The following CTNNA2 variants were observed in gnomAD, a reference collection of about 807,000 sequenced individuals.
CTNNA2 encodes the protein catenin alpha-2.
A neutral mutation model predicts 101.0 loss-of-function variants in CTNNA2; 42 were observed. That is an observed-to-expected ratio of 0.42 (90% confidence interval 0.32 to 0.54). The LOEUF (loss-of-function observed/expected upper bound fraction) is 0.54, where lower values mean the gene tolerates loss of function less well. Among genes scored for constraint, CTNNA2 ranks in the 20% least tolerant of loss-of-function variants. CTNNA2 has a pLI of 0.14. For synonymous variants in CTNNA2, 450 were observed against 456.4 expected (o/e 0.99, Z 0.18); for missense variants, 871 against 1,223.1 (o/e 0.71, Z 4.29).
At chr2:79,827,992 T>G (rs1473568529) in intron 3 of CTNNA2, among the ~76,000 whole-genome samples, 4 of 152,234 alleles carry the variant, frequency 2.6e-5, no homozygotes, top group Admixed American at 2.6e-4. Flanking sequence ...TTAAAGAAAC[T>G]GTCTCTTATG....
At chr2:79,816,562 T>C (rs1677519821) in intron 3 of CTNNA2, among the ~76,000 whole-genome samples, 1 of 152,110 alleles carries the variant, frequency 6.6e-6, no homozygotes, top group Non-Finnish European at 1.5e-5. Context: ...ATATATCTCC[T>C]TACTAGGAAG....
chr2:79,933,034 A>G (rs1290637803), intron 7 of CTNNA2, among the ~76,000 whole-genome samples: 1 of 152,216 alleles, frequency 6.6e-6, no homozygotes, highest in Non-Finnish European at 1.5e-5. Context: ...TTTCTAGCAT[A>G]TATATTTGAT....
At chr2:80,443,355 C>T (rs1398867024) in intron 9 of CTNNA2, among the ~76,000 whole-genome samples, 2 of 152,184 alleles carry the variant, frequency 1.3e-5, no homozygotes, top group Non-Finnish European at 2.9e-5. Flanking sequence ...TTTCAGGCTG[C>T]TATTTATTTC....
chr2:80,324,458 A>G (rs1393953019), intron 7 of CTNNA2, among the ~76,000 whole-genome samples: 1 of 152,084 alleles, frequency 6.6e-6, no homozygotes, highest in African/African-American at 2.4e-5. Context: ...CCCTACTTAA[A>G]CTATTAACTA....
intron 2 of CTNNA2, among the ~76,000 whole-genome samples, chr2:79,303,928 C>T (rs893823847): frequency 6.6e-6 from 1 of 151,924 alleles, no homozygotes; most frequent in Non-Finnish European, 1.5e-5. Flanking sequence ...CACTGAGATC[C>T]AGAGCATTAC....
intron 7 of CTNNA2, among the ~76,000 whole-genome samples, chr2:80,338,717 T>G (rs1671973773): frequency 1.3e-5 from 2 of 152,108 alleles, no homozygotes; most frequent in Admixed American, 6.5e-5. Flanking sequence ...AATAAAAACC[T>G]CTAAGTGATT....
intron 3 of CTNNA2, among the ~76,000 whole-genome samples, chr2:79,785,724 C>G (rs1266243434): frequency 1.3e-5 from 2 of 152,110 alleles, no homozygotes; most frequent in African/African-American, 4.8e-5. Context: ...GCCTGACACA[C>G]AGCTAGCTGG....
chr2:79,518,699 G>C (rs1435987186), intron 1 of CTNNA2, among the ~76,000 whole-genome samples: 1 of 152,150 alleles, frequency 6.6e-6, no homozygotes, highest in Non-Finnish European at 1.5e-5. Flanking sequence ...GCCTGAAGCA[G>C]TTGTTAAATA....
At chr2:79,551,003 A>G (rs531868867) in intron 1 of CTNNA2, among the ~76,000 whole-genome samples, 4 of 152,262 alleles carry the variant, frequency 2.6e-5, no homozygotes, top group Non-Finnish European at 5.9e-5. Flanking sequence ...AGTCAATAAA[A>G]AACATTTCAA....
chr2:79,358,427 T>C (rs1270983659), intron 3 of CTNNA2, among the ~76,000 whole-genome samples: 2 of 152,198 alleles, frequency 1.3e-5, no homozygotes, highest in African/African-American at 4.8e-5. Context: ...CTCGAACTCC[T>C]GACCTCAGGT....
intron 2 of CTNNA2, among the ~76,000 whole-genome samples, chr2:79,703,869 T>G (rs1278643085): frequency 6.6e-6 from 1 of 152,146 alleles, no homozygotes; most frequent in Non-Finnish European, 1.5e-5. Context: ...AGAATATATA[T>G]GTTTGCCTAG....
intron 7 of CTNNA2, among the ~76,000 whole-genome samples, chr2:80,249,806 A>T (rs1671612673): frequency 6.6e-6 from 1 of 152,200 alleles, no homozygotes; most frequent in South Asian, 2.1e-4. Flanking sequence ...ATCCCATGTT[A>T]TGAAAAACCA....
intron 2 of CTNNA2, among the ~76,000 whole-genome samples, chr2:79,682,697 A>G (rs1297638778): frequency 1.3e-5 from 2 of 152,180 alleles, no homozygotes; most frequent in Non-Finnish European, 2.9e-5. Flanking sequence ...GAGTTAAAAA[A>G]TTTTAAATGG....
intron 18 of CTNNA2, among the ~76,000 whole-genome samples, chr2:80,647,065 A>G (rs937599710): frequency 6.6e-6 from 1 of 151,808 alleles, no homozygotes; most frequent in Non-Finnish European, 1.5e-5. Context: ...TTTATATAGG[A>G]GGTATACTGA....
At chr2:80,081,731 A>C in intron 7 of CTNNA2, among the ~76,000 whole-genome samples, 2 of 144,108 alleles carry the variant, frequency 1.4e-5, no homozygotes, top group South Asian at 2.3e-4. Context: ...CGCTAAGACA[A>C]TCTCTCTCTC....
intron 1 of CTNNA2, among the ~76,000 whole-genome samples, chr2:79,640,356 C>G (rs1276563400): frequency 6.6e-6 from 1 of 152,116 alleles, no homozygotes; most frequent in Non-Finnish European, 1.5e-5. Flanking sequence ...TTGAACTATA[C>G]TTTGCACAAA....
At chr2:79,682,448 T>C (rs1338109550) in intron 2 of CTNNA2, among the ~76,000 whole-genome samples, 2 of 149,490 alleles carry the variant, frequency 1.3e-5, no homozygotes, top group East Asian at 2.0e-4. Flanking sequence ...AAGAAAAATC[T>C]GAATCTATAT....
At position 79,815,761 on chromosome 2, in the gene CTNNA2, T is replaced by C. The variant is rs1045018273; in HGVS notation, c.299-42252T>C. ...TATGCAGGCTCTTTTTGGTTCCATATGAATTTTAGATTTTTTTTTTCTAAT... is the reference window on the plus strand; with the variant it reads ...TATGCAGGCTCTTTTTGGTTCCATACGAATTTTAGATTTTTTTTTTCTAAT... On this transcript the variant is annotated intron_variant, in intron 3 of 18. Coordinates refer to ENST00000402739, the MANE Select transcript of CTNNA2 (RefSeq NM_001282597.3). Among the ~76,000 whole-genome samples the C allele has an allele frequency of 4.3e-4, 63 of 147,342 alleles. 1 individual carries two copies. The highest frequency in any genetic ancestry group is 3.0e-3 in the Admixed American group (44 of 14,576).
chr2:80,237,414 G>A (rs748366944), intron 7 of CTNNA2, among the ~76,000 whole-genome samples: 29 of 152,118 alleles, frequency 1.9e-4, no homozygotes, highest in Non-Finnish European at 1.9e-4. Context: ...TTCAACTTAC[G>A]ATGGGTGTAT....
Sources: allele counts gnomAD v4.1 joint callset (sites outside exome capture counted in the v4.1 genomes callset), GRCh38; gene constraint gnomAD v4.1.1; transcripts MANE v1.5; gene names NCBI Gene and HGNC (gene_info 2026-07-23, HGNC 2026-07-21).